GABBR2: variants seen among roughly 807,000 people sequenced by gnomAD.
GABBR2 encodes G-protein coupled receptor 51.
Under a neutral mutation model 105.6 loss-of-function variants are expected in GABBR2, and 23 were observed. The ratio of observed to expected loss-of-function variants is 0.22; its 90% CI spans 0.16 to 0.31. GABBR2 has a LOEUF of 0.31. Among genes scored for constraint, GABBR2 ranks in the 10% least tolerant of loss-of-function variants. The pLI, the probability that GABBR2 is intolerant of heterozygous loss-of-function variation, is 1.00. For synonymous variants in GABBR2, 478 were observed against 499.7 expected, an observed-to-expected ratio of 0.96 and a Z score of 0.58; for missense variants, 734 against 1,245.5, an observed-to-expected ratio of 0.59 and a Z score of 6.18.
intron 13 of GABBR2, among the ~76,000 whole-genome samples, chr9:98,321,882 C>A (rs911273850): frequency 6.6e-6 from 1 of 152,044 alleles, no homozygotes; most frequent in African/African-American, 2.4e-5. Flanking sequence ...CATGCTTTTG[C>A]CCCCTTCCCC....
At chr9:98,686,587 G>T (rs780731416) in intron 1 of GABBR2, among the ~76,000 whole-genome samples, 1 of 152,006 alleles carries the variant, frequency 6.6e-6, no homozygotes, top group Non-Finnish European at 1.5e-5. Context: ...GTAGAGATGG[G>T]GTTTCACCAT....
At position 98,705,867 on chromosome 9, in the gene GABBR2, G is replaced by C. The variant is rs146834872; in HGVS notation, c.321+2550C>G. On this transcript the variant is annotated intron_variant, in intron 1 of 18. Coordinates refer to ENST00000259455, the MANE Select transcript of GABBR2 (RefSeq NM_005458.8). ...AGAGGTGGGCAGATCACCTGAGGTC[G>C]GGAGTTCAAGACCAGCCCGACCAAC... is the stretch of plus-strand genomic sequence containing the variant. 9.6e-3 allele frequency among the ~76,000 whole-genome samples: 1,465 copies of C among 152,112 alleles called. 30 individuals are homozygous for C. Among genetic ancestry groups the C allele is most frequent in the African/African-American group, 0.033 (1,354 of 41,486 alleles).
At chr9:98,546,089 G>C (rs996321728) in intron 2 of GABBR2, among the ~76,000 whole-genome samples, 3 of 152,104 alleles carry the variant, frequency 2.0e-5, no homozygotes, top group Non-Finnish European at 4.4e-5. Context: ...TTGAGAATTT[G>C]GCAAGTGCAG....
chr9:98,708,660 T>G lies in GABBR2; in HGVS notation c.78A>C (p.Leu26=). The stretch of plus-strand genomic sequence containing the variant: ...GAGGCAGCAGCAGCGGCAGCAGCAG[T>G]AGCAGTAGCAGGCGCGCGGGCGGCG... ...PPPPPARLLL[L]LLLPLLLPLA... is the part of the protein sequence containing the mutation. The change falls in exon 1 of 19, where the codon CTA becomes CTC. Residue 26 remains leucine, a synonymous_variant. Coordinates refer to ENST00000259455, the MANE Select transcript of GABBR2 (RefSeq NM_005458.8). 6 of 1,196,606 alleles carry G rather than the reference T, an allele frequency of 5.0e-6. No homozygotes were observed. Among genetic ancestry groups the G allele is most frequent in the Non-Finnish European group, 6.2e-6 (6 of 964,124 alleles). The allele number at this position is 1,196,606 out of a possible 1,614,324, so 74.1% of individuals were successfully genotyped here. A position where few individuals can be genotyped will look rare whatever the true frequency, so the allele number is the denominator to read the frequency against.
At chr9:98,486,053 C>A (rs928904529) in intron 4 of GABBR2, among the ~76,000 whole-genome samples, 1 of 152,202 alleles carries the variant, frequency 6.6e-6, no homozygotes, top group Non-Finnish European at 1.5e-5. Flanking sequence ...GACAGAGCTC[C>A]TCCTGCCTCA....
At chr9:98,471,359 A>C (rs572386176) in intron 6 of GABBR2, among the ~76,000 whole-genome samples, 1 of 152,338 alleles carries the variant, frequency 6.6e-6, no homozygotes, top group African/African-American at 2.4e-5. Flanking sequence ...CCCATGCATG[A>C]GACAGTGATG....
chr9:98,333,279 A>T (rs1831059188), intron 13 of GABBR2, among the ~76,000 whole-genome samples: 1 of 152,190 alleles, frequency 6.6e-6, no homozygotes, highest in Admixed American at 6.5e-5. Flanking sequence ...ATCTAGGCCC[A>T]TTTTAAGGCT....
chr9:98,404,855 G>A (rs1317195441), intron 8 of GABBR2, among the ~76,000 whole-genome samples: 1 of 152,094 alleles, frequency 6.6e-6, no homozygotes, highest in Non-Finnish European at 1.5e-5. Flanking sequence ...TAGATGAAAA[G>A]AGACTAAAGA....
chr9:98,434,551 AC>A (rs897732943), intron 7 of GABBR2, among the ~76,000 whole-genome samples: 5 of 152,164 alleles, frequency 3.3e-5, no homozygotes, highest in African/African-American at 1.2e-4. Flanking sequence ...TACTAACGTA[AC>A]CTCATAGAAT....
chr9:98,376,408 C>T (rs750297025), intron 11 of GABBR2, among the ~76,000 whole-genome samples: 34 of 152,192 alleles, frequency 2.2e-4, no homozygotes, highest in Admixed American at 5.2e-4. Context: ...GAAGAGCAAG[C>T]CCTGGTGGCT....
chr9:98,362,939 C>A, intron 12 of GABBR2, 102 bp from the exon 13 acceptor site: 3 of 1,034,292 alleles, frequency 2.9e-6, no homozygotes, highest in East Asian at 2.8e-5. Flanking sequence ...CATGAACCCC[C>A]CAGCCGGAGA....
intron 11 of GABBR2, among the ~76,000 whole-genome samples, chr9:98,375,646 G>C (rs1029715931): frequency 6.6e-6 from 1 of 152,174 alleles, no homozygotes; most frequent in African/African-American, 2.4e-5. Flanking sequence ...GATAGCAAAA[G>C]AGGCTGAGTT....
At chr9:98,498,666 C>A (rs573681053) in intron 3 of GABBR2, among the ~76,000 whole-genome samples, 1 of 152,346 alleles carries the variant, frequency 6.6e-6, no homozygotes, top group East Asian at 1.9e-4. Context: ...GCCTTGTGAT[C>A]AATGTTTTGT....
At chr9:98,558,804 AGTT>A (rs1828625415) in intron 2 of GABBR2, among the ~76,000 whole-genome samples, 2 of 152,242 alleles carry the variant, frequency 1.3e-5, no homozygotes, top group African/African-American at 4.8e-5. Flanking sequence ...CTGTTGAAGG[AGTT>A]GTCACTGTGA....
intron 7 of GABBR2, among the ~76,000 whole-genome samples, chr9:98,445,311 A>C (rs1826106796): frequency 6.6e-6 from 1 of 152,226 alleles, no homozygotes; most frequent in Admixed American, 6.5e-5. Context: ...AAAATGCACC[A>C]GGGACGAGGG....
intron 1 of GABBR2, among the ~76,000 whole-genome samples, chr9:98,633,874 T>C (rs1829846207): frequency 6.6e-6 from 1 of 152,098 alleles, no homozygotes; most frequent in South Asian, 2.1e-4. Flanking sequence ...TGCCTTTGTG[T>C]CCCCACTCAG....
intron 13 of GABBR2, among the ~76,000 whole-genome samples, chr9:98,346,882 C>A (rs901681524): frequency 2.0e-5 from 3 of 152,110 alleles, no homozygotes; most frequent in African/African-American, 7.2e-5. Context: ...CCTCCAGGCT[C>A]ATTCATGTTG....
chr9:98,634,115 G>A (rs924358059), intron 1 of GABBR2, among the ~76,000 whole-genome samples: 3 of 152,192 alleles, frequency 2.0e-5, no homozygotes, highest in East Asian at 1.9e-4. Flanking sequence ...CGAGACTGCC[G>A]CTGACTATAG....
intron 1 of GABBR2, among the ~76,000 whole-genome samples, chr9:98,661,413 C>G (rs899478269): frequency 1.3e-5 from 2 of 150,764 alleles, no homozygotes; most frequent in South Asian, 2.1e-4. Context: ...TTTCCCCCAC[C>G]CCCCCGATAT....
Sources: gnomAD v4.1 joint callset for allele counts (sites outside exome capture counted in the v4.1 genomes callset) on GRCh38, gnomAD v4.1.1 for gene constraint, MANE v1.5 for transcripts, NCBI Gene and HGNC (gene_info 2026-07-23, HGNC 2026-07-21) for gene names.